The following KLC4 variants were observed in gnomAD, a reference collection of about 807,000 sequenced individuals.
KLC4 encodes kinesin light chain 4.
In KLC4, 49 loss-of-function variants were observed where a neutral mutation model predicts 77.2. That is an observed-to-expected ratio of 0.63 (90% CI 0.50 to 0.80). The LOEUF is 0.80. Among genes scored for constraint, KLC4 ranks in the 30% least tolerant of loss-of-function variants. KLC4 has a pLI of 0.00. For missense variants in KLC4, 669 were observed against 793.5 expected, an observed-to-expected ratio of 0.84 and a Z score of 1.89; for synonymous variants, 274 against 314.5, an observed-to-expected ratio of 0.87 and a Z score of 1.36.
At chr6:43,065,816 C>A in intron 4 of KLC4, 115 bp downstream of exon 4, 1 of 709,246 alleles carries the variant, frequency 1.4e-6, no homozygotes, top group South Asian at 1.7e-5. Flanking sequence ...TCCACTTTCT[C>A]TGGAGACAGG....
intron 12 of KLC4, 90 bp from the exon 13 acceptor site, chr6:43,072,734 C>T: frequency 1.5e-6 from 2 of 1,308,820 alleles, no homozygotes; most frequent in Non-Finnish European, 2.1e-6. Context: ...AAATGTTTTC[C>T]TTCCAGTGGC....
chr6:43,070,532 C>A, intron 7 of KLC4, 77 bp downstream of exon 7: 1 of 1,396,598 alleles, frequency 7.2e-7, no homozygotes. Flanking sequence ...TAACCCTCCT[C>A]CTTCACTTTT....
At chr6:43,063,554 A>AT (rs59259365) in intron 3 of KLC4, among the ~76,000 whole-genome samples, 31,946 of 145,544 alleles carry the variant, frequency 0.22, 4,658 homozygotes, top group African/African-American at 0.42. Context: ...AAATGTGTGA[A>AT]TTTTTTTTTT....
intron 1 of KLC4, 200 bp from the exon 2 acceptor site, chr6:43,061,111 C>T (rs989107223): frequency 2.5e-5 from 15 of 596,390 alleles, no homozygotes; most frequent in Non-Finnish European, 4.5e-5. Flanking sequence ...CAGTTCATCT[C>T]CCTCTCGCTT....
At chr6:43,068,367 G>T (rs532029308) in intron 6 of KLC4, among the ~76,000 whole-genome samples, 1 of 151,562 alleles carries the variant, frequency 6.6e-6, no homozygotes, top group South Asian at 2.1e-4. Context: ...AGCTACTCAG[G>T]AGGCTGAGGC....
chr6:43,060,390 G>T, intron 1 of KLC4: 1 of 1,405,510 alleles, frequency 7.1e-7, no homozygotes, highest in Non-Finnish European at 9.5e-7. Flanking sequence ...GGGCGTCTTT[G>T]AAGACCTGTG....
intron 9 of KLC4, 92 bp downstream of exon 9, chr6:43,071,466 A>G: frequency 1.3e-6 from 2 of 1,540,924 alleles, no homozygotes; most frequent in Non-Finnish European, 1.8e-6. Context: ...TCCCAGGGGG[A>G]GCCAGACCCC....
At chr6:43,069,617 C>G (rs1765623142) in intron 6 of KLC4, among the ~76,000 whole-genome samples, 1 of 152,166 alleles carries the variant, frequency 6.6e-6, no homozygotes, top group African/African-American at 2.4e-5. Flanking sequence ...ATGGCACGAT[C>G]TTGGCTCACT....
At chr6:43,073,507 T>A (rs1375089855) in intron 14 of KLC4, 169 bp downstream of exon 14, 1 of 547,952 alleles carries the variant, frequency 1.8e-6, no homozygotes, top group East Asian at 3.2e-5. Context: ...ATTAGTCGGG[T>A]GTGGTGGCAG....
chr6:43,059,886 G>T, intron 1 of KLC4: 1 of 1,212,076 alleles, frequency 8.3e-7, no homozygotes, highest in East Asian at 4.5e-5. Context: ...CTGCGCCACC[G>T]ACTGACTCAG....
intron 11 of KLC4, 37 bp downstream of exon 11, chr6:43,071,959 G>A (rs1333002848): frequency 8.9e-6 from 14 of 1,581,920 alleles, no homozygotes; most frequent in Non-Finnish European, 1.2e-5. Context: ...GGCCTCCGAT[G>A]CCCTCCATCC....
At chr6:43,059,953 C>T (rs2150348543) in intron 1 of KLC4, 1 of 1,318,502 alleles carries the variant, frequency 7.6e-7, no homozygotes, top group South Asian at 1.7e-5. Context: ...CCTCAGTCGT[C>T]CATCCACACC....
chr6:43,072,717 C>T, intron 12 of KLC4, 107 bp from the exon 13 acceptor site: 1 of 1,069,110 alleles, frequency 9.4e-7, no homozygotes, highest in Admixed American at 2.5e-5. Context: ...TGAGACATCA[C>T]AAGGAAAAAT....
In KLC4 at chr6:43,061,351, T is replaced by C. The variant is rs757086488; in HGVS notation, c.16T>C (p.Leu6=). 3.7e-6 allele frequency: 6 copies of C among 1,613,532 alleles called. No individual in the cohort carries two copies. Among genetic ancestry groups the C allele is most frequent in the Admixed American group, 3.3e-5 (2 of 60,006 alleles). The change falls in exon 2 of 16, where the codon TTG becomes CTG. Residue 6 remains leucine, a synonymous_variant. Coordinates refer to ENST00000347162, the MANE Select transcript of KLC4 (RefSeq NM_201521.3). ...CCAGGCCAGGATGTCAGGCCTGGTGTTGGGGCAGCGGGATGAGCCTGCAGG... is the reference window on the plus strand; with the variant it reads ...CCAGGCCAGGATGTCAGGCCTGGTGCTGGGGCAGCGGGATGAGCCTGCAGG... MSGLV[L]GQRDEPAGHR...
chr6:43,068,806 G>A (rs972001139), intron 6 of KLC4, among the ~76,000 whole-genome samples: 2 of 151,614 alleles, frequency 1.3e-5, no homozygotes, highest in African/African-American at 4.9e-5. Context: ...GCAAGACTCT[G>A]TCTCAACAAA....
At chr6:43,066,859 T>C in intron 5 of KLC4, 137 bp from the exon 6 acceptor site, 1 of 1,298,868 alleles carries the variant, frequency 7.7e-7, no homozygotes. Flanking sequence ...TGAAGCCCCC[T>C]TACTGTCCAC....
intron 15 of KLC4, 23 bp downstream of exon 15, chr6:43,073,988 T>A: frequency 1.3e-6 from 2 of 1,576,034 alleles, no homozygotes; most frequent in Non-Finnish European, 1.7e-6. Context: ...CTTGTGAGCA[T>A]ATTGGTGGGT....
Position 43,074,760 on chromosome 6 carries a change from C to T in KLC4, c.*88C>T. 9.3e-7 allele frequency: 1 copy of T among 1,076,188 alleles called. No individual in the cohort carries two copies. Among genetic ancestry groups the T allele is most frequent in the African/African-American group, 1.5e-5 (1 of 64,868 alleles). 66.7% of individuals were successfully genotyped at this position (1,076,188 alleles called of 1,614,324 possible). A position where few individuals can be genotyped will look rare whatever the true frequency, so the allele number is the denominator to read the frequency against. The stretch of plus-strand genomic sequence containing the variant: ...CATTGCTCCTGGCTCTTCCCCACCC[C>T]TAGGTGGGACAGTGAAGGGGAGCAG... On this transcript the variant is annotated 3_prime_UTR_variant, in exon 16 of 16. Transcript: ENST00000347162.
rs1765804011 is a variant in KLC4 at position 43,072,974 on chromosome 6, A to T, written c.1629+10A>T. 6.3e-7 allele frequency: 1 copy of T among 1,576,282 alleles called. No individual in the cohort carries two copies. Among genetic ancestry groups the T allele is most frequent in the Admixed American group, 1.9e-5 (1 of 53,668 alleles). On this transcript the variant is annotated intron_variant, in intron 13 of 15. Transcript: ENST00000347162. ...TGTGGAGTGGTCCGGGGTAAGTCTG[A>T]TCATTGCCTTTTCATCTCTCCTGCC...
Sources: allele counts gnomAD v4.1 joint callset (sites outside exome capture counted in the v4.1 genomes callset), GRCh38; gene constraint gnomAD v4.1.1; transcripts MANE v1.5; gene names NCBI Gene and HGNC (gene_info 2026-07-23, HGNC 2026-07-21).